Variants in CCDC73 observed in about 807,000 individuals in gnomAD.
CCDC73 encodes the protein coiled-coil domain-containing protein 73.
Under a neutral mutation model 116.5 loss-of-function variants are expected in CCDC73, and 95 were observed. The observed-to-expected ratio is 0.82, with a 90% CI of 0.69 to 0.97. The LOEUF (loss-of-function observed/expected upper bound fraction) is 0.97. Among genes scored for constraint, CCDC73 ranks in the 50% least tolerant of loss-of-function variants. The pLI is 0.00. For missense variants in CCDC73, 1,066 were observed against 1,206.8 expected, an observed-to-expected ratio of 0.88 and a Z score of 1.73; for synonymous variants, 398 against 401.3, an observed-to-expected ratio of 0.99 and a Z score of 0.10.
chr11:32,718,173 G>A, intron 2 of CCDC73, 26 bp from the exon 3 acceptor site: 1 of 1,500,842 alleles, frequency 6.7e-7, no homozygotes, highest in Non-Finnish European at 9.1e-7. Context: ...AAAGAAAAGT[G>A]CTATAAAAAT....
At chr11:32,827,603 C>A in the CCDC73 span, among the ~76,000 whole-genome samples, 1 of 152,184 alleles carries the variant, frequency 6.6e-6, no homozygotes, top group Non-Finnish European at 1.5e-5. Flanking sequence ...GGCCTCTCCC[C>A]AAAGTAGTGG....
intron 14 of CCDC73, among the ~76,000 whole-genome samples, chr11:32,618,495 A>G (rs1855493940): frequency 6.6e-6 from 1 of 152,126 alleles, no homozygotes; most frequent in South Asian, 2.1e-4. Flanking sequence ...AACAGCATAT[A>G]AGTTTTCCCT....
At chr11:32,743,630 G>C (rs1030766945) in intron 2 of CCDC73, among the ~76,000 whole-genome samples, 11 of 152,174 alleles carry the variant, frequency 7.2e-5, no homozygotes, top group Non-Finnish European at 1.6e-4. Flanking sequence ...CACATCCCTT[G>C]TAAGTTGGAT....
chr11:32,781,627 G>C (rs1850585517), intron 1 of CCDC73, among the ~76,000 whole-genome samples: 1 of 152,202 alleles, frequency 6.6e-6, no homozygotes, highest in African/African-American at 2.4e-5. Context: ...ATTGGAAGTT[G>C]TTCTGATGAT....
At chr11:32,620,842 T>C (rs1855517644) in intron 14 of CCDC73, among the ~76,000 whole-genome samples, 1 of 151,900 alleles carries the variant, frequency 6.6e-6, no homozygotes, top group Non-Finnish European at 1.5e-5. Context: ...AAAGACAAAA[T>C]CAATGTGCAA....
chr11:32,804,224 T>G, the CCDC73 span, among the ~76,000 whole-genome samples: 4 of 152,188 alleles, frequency 2.6e-5, no homozygotes, highest in African/African-American at 9.7e-5. Context: ...CTGCAACATC[T>G]GCCTCCCAAG....
chr11:32,729,072 T>C (rs900417097), intron 2 of CCDC73, among the ~76,000 whole-genome samples: 10 of 151,944 alleles, frequency 6.6e-5, no homozygotes, highest in Non-Finnish European at 1.3e-4. Flanking sequence ...GTCTGTTACA[T>C]AGGTAAAGGT....
At chr11:32,764,412 C>A (rs1400426604) in intron 1 of CCDC73, among the ~76,000 whole-genome samples, 1 of 152,182 alleles carries the variant, frequency 6.6e-6, no homozygotes, top group African/African-American at 2.4e-5. Flanking sequence ...AACAGCAGAT[C>A]TCTCAGCAGA....
chr11:32,648,433 T>G (rs1855797874), intron 12 of CCDC73, among the ~76,000 whole-genome samples: 2 of 152,252 alleles, frequency 1.3e-5, no homozygotes, highest in African/African-American at 4.8e-5. Flanking sequence ...ACTATGAGTT[T>G]ATTCATGTTC....
chr11:32,683,563 G>T lies in CCDC73; in HGVS notation c.402C>A (p.Tyr134Ter). ...ETLKALQVSK[Y>*]SLQKKVSEME... is the part of the protein sequence containing the mutation. ...TTTCACTCACTTTCTTCTGTAAAGA[G>T]TATTTAGAAACCTTGAAAAATAAGG... Residue 134 changes from tyrosine (Y) to a stop codon, truncating the protein, a stop_gained, in exon 7 of 18, where the codon TAC becomes TAA. Coordinates refer to ENST00000335185, the MANE Select transcript of CCDC73 (RefSeq NM_001008391.4). LOFTEE classifies it high-confidence loss of function. The T allele has an allele frequency of 6.6e-7, 1 of 1,510,146 alleles. No individual in the cohort carries two copies. Among genetic ancestry groups the T allele is most frequent in the Non-Finnish European group, 9.2e-7 (1 of 1,092,526 alleles). 93.5% of individuals were successfully genotyped at this position (1,510,146 alleles called of 1,614,324 possible).
chr11:32,719,023 A>T (rs911727706), intron 2 of CCDC73, among the ~76,000 whole-genome samples: 7 of 152,196 alleles, frequency 4.6e-5, no homozygotes, highest in African/African-American at 1.7e-4. Context: ...GCCAATAAGC[A>T]TCAAGTAAAA....
At chr11:32,780,592 A>C (rs1388930514) in intron 1 of CCDC73, among the ~76,000 whole-genome samples, 1 of 152,220 alleles carries the variant, frequency 6.6e-6, no homozygotes, top group African/African-American at 2.4e-5. Flanking sequence ...CAAGAAAGAA[A>C]AGTTGGAAAC....
intron 2 of CCDC73, among the ~76,000 whole-genome samples, chr11:32,744,453 C>T (rs1196436745): frequency 6.6e-6 from 1 of 152,090 alleles, no homozygotes; most frequent in African/African-American, 2.4e-5. Flanking sequence ...CCTTCTTTTT[C>T]TATTGATCGG....
chr11:32,705,622 A>C (rs1451068497), intron 3 of CCDC73, among the ~76,000 whole-genome samples: 1 of 152,184 alleles, frequency 6.6e-6, no homozygotes, highest in Non-Finnish European at 1.5e-5. Context: ...CCGCCAGGTC[A>C]AGTGAATGGA....
At chr11:32,754,732 A>G (rs2133370630) in intron 2 of CCDC73, among the ~76,000 whole-genome samples, 1 of 152,278 alleles carries the variant, frequency 6.6e-6, no homozygotes, top group South Asian at 2.1e-4. Flanking sequence ...TGTAATCTAC[A>G]ATTTCATGGC....
intron 14 of CCDC73, among the ~76,000 whole-genome samples, chr11:32,622,201 C>T (rs1855528010): frequency 2.0e-5 from 3 of 152,140 alleles, no homozygotes; most frequent in Non-Finnish European, 4.4e-5. Flanking sequence ...TATAAAGATA[C>T]ATGCACACAT....
intron 2 of CCDC73, among the ~76,000 whole-genome samples, chr11:32,724,058 G>A (rs1180740244): frequency 6.6e-6 from 1 of 151,748 alleles, no homozygotes; most frequent in African/African-American, 2.4e-5. Context: ...GTTTTCCATG[G>A]GGTATAAAGA....
chr11:32,647,214 T>C lies in CCDC73; in HGVS notation c.940-5132A>G, dbSNP rs115667469. On this transcript the variant is annotated intron_variant, in intron 12 of 17. Transcript: ENST00000335185. ...GCATAGCACTGGCATCTGCTTCTGG[T>C]GAGGCCTAAGGAAGCTTTTACTCAT... 7.1e-3 allele frequency among the ~76,000 whole-genome samples: 1,086 copies of C among 152,282 alleles called. 16 individuals carry two copies. Among genetic ancestry groups the C allele is most frequent in the African/African-American group, 0.025 (1,047 of 41,560 alleles).
upstream of CCDC73, among the ~76,000 whole-genome samples, chr11:32,797,253 A>G (rs1013898592): frequency 1.3e-5 from 2 of 152,102 alleles, no homozygotes; most frequent in African/African-American, 4.8e-5. Context: ...TTGAGACTGC[A>G]GTGAGCTATG....
Sources: allele counts gnomAD v4.1 joint callset (sites outside exome capture counted in the v4.1 genomes callset), GRCh38; gene constraint gnomAD v4.1.1; transcripts MANE v1.5; gene names NCBI Gene and HGNC (gene_info 2026-07-23, HGNC 2026-07-21).